The following POMGNT1 variants were observed in gnomAD, a reference collection of about 807,000 sequenced individuals.
POMGNT1 encodes protein O-linked mannose N-acetylglucosaminyltransferase 1 (beta 1,2-).
A neutral mutation model predicts 95.6 loss-of-function variants in POMGNT1; 67 were observed. That is an observed-to-expected ratio of 0.70 (90% CI 0.58 to 0.86). The LOEUF (loss-of-function observed/expected upper bound fraction) is 0.86, where lower values mean the gene tolerates loss of function less well. POMGNT1 is among the 40% of genes least tolerant of loss of function. POMGNT1 has a pLI of 0.00. For missense variants in POMGNT1, 719 were observed against 855.2 expected, an observed-to-expected ratio of 0.84 and a Z score of 1.99; for synonymous variants, 298 against 317.9, an observed-to-expected ratio of 0.94 and a Z score of 0.66.
chr1:46,197,152 G>GTCTTTC, intron 2 of POMGNT1, 68 bp from the exon 3 acceptor site: 1 of 1,611,690 alleles, frequency 6.2e-7, no homozygotes, highest in Non-Finnish European at 8.5e-7. Context: ...TTTCTGAAAG[G>GTCTTTC]AGGGCCCTGG....
chr1:46,203,565 G>A, intron 1 of POMGNT1: 2 of 1,574,076 alleles, frequency 1.3e-6, no homozygotes, highest in Non-Finnish European at 1.7e-6. Context: ...GCTGCTCCCA[G>A]GGGCGTCTAG....
At chr1:46,189,614 G>C in intron 20 of POMGNT1, 47 bp from the exon 21 acceptor site, 2 of 1,580,166 alleles carry the variant, frequency 1.3e-6, no homozygotes, top group Non-Finnish European at 1.7e-6. Flanking sequence ...GAGAGCTGTA[G>C]GGAGGGGTCA....
intron 1 of POMGNT1, among the ~76,000 whole-genome samples, chr1:46,205,500 C>G: frequency 6.6e-6 from 1 of 152,332 alleles, no homozygotes; most frequent in East Asian, 1.9e-4. Flanking sequence ...ATCATTTCTC[C>G]CATCTTACAG....
upstream of POMGNT1, among the ~76,000 whole-genome samples, chr1:46,201,951 G>A (rs1443198656): frequency 6.6e-6 from 1 of 150,846 alleles, no homozygotes; most frequent in Non-Finnish European, 1.5e-5. Flanking sequence ...GGCAATGTAG[G>A]AAGACCCTGT....
chr1:46,194,625 T>C lies in POMGNT1; in HGVS notation c.679A>G (p.Lys227Glu). 6.2e-7 allele frequency: 1 copy of C among 1,614,188 alleles called. No homozygotes were observed. The highest frequency in any genetic ancestry group is 8.5e-7 in the Non-Finnish European group (1 of 1,180,022). Residue 227 changes from lysine to glutamate, a missense_variant, in exon 8 of 22, where the codon AAA (lysine) becomes GAA (glutamate). This residue lies in a region of POMGNT1 where 466 missense variants were observed against 517.4 expected (regional missense o/e 0.90). Transcript: ENST00000371984. ...GGPVFGEKHS[K>E]SPALSSWGDP... is the part of the protein sequence containing the mutation. ...CCCCAGGAAGAGAGGGCAGGTGATT[T>C]AGAATGTTTCTCCCCGAAGACAGGA... is the stretch of plus-strand genomic sequence containing the variant.
In POMGNT1 at chr1:46,197,748, C is replaced by T. The variant is rs1475539242; in HGVS notation, c.74G>A (p.Trp25Ter). 1 of 1,614,144 alleles carries T rather than the reference C, an allele frequency of 6.2e-7. No individual in the cohort carries two copies. Among genetic ancestry groups the T allele is most frequent in the South Asian group, 1.1e-5 (1 of 91,078 alleles). Residue 25 changes from tryptophan (W) to a stop codon, truncating the protein, a stop_gained, in exon 2 of 22, where the codon TGG (tryptophan) becomes TAG (stop). Coordinates refer to ENST00000371984, the MANE Select transcript of POMGNT1 (RefSeq NM_017739.4). LOFTEE classifies it high-confidence loss of function. ...CCGCTGGTTTGTCAGTTTATACTTC[C>T]AGGTAAGGTACCAGCTCCGCTTCTT... ...ARKKRSWYLT[W>*]KYKLTNQRAL...
At chr1:46,211,444 C>T (rs1337065774) in intron 1 of POMGNT1, among the ~76,000 whole-genome samples, 2 of 133,880 alleles carry the variant, frequency 1.5e-5, no homozygotes, top group African/African-American at 6.2e-5. Flanking sequence ...AACCTGCACA[C>T]ACACACACAC....
chr1:46,198,360 C>CGGGCCCCGCTA lies in POMGNT1; in HGVS notation c.-86_-76dup, dbSNP rs927456551. ...CGGCTTAGGGGCCCCGGGCCCCGCTCGGGCCCCGCTAGGGCCCTCACTGCT... is the reference window on the plus strand; with the variant it reads ...CGGCTTAGGGGCCCCGGGCCCCGCTCGGGCCCCGCTAGGGCCCCGCTAGGGCCCTCACTGCT... On this transcript the variant is annotated 5_prime_UTR_variant, in exon 1 of 22. Coordinates refer to ENST00000371984, the MANE Select transcript of POMGNT1 (RefSeq NM_017739.4). 2.0e-5 allele frequency: 3 copies of CGGGCCCCGCTA among 152,942 alleles called. No homozygotes were observed. Among genetic ancestry groups the CGGGCCCCGCTA allele is most frequent in the African/African-American group, 7.2e-5 (3 of 41,408 alleles). 9.5% of individuals were successfully genotyped at this position (152,942 alleles called of 1,614,324 possible). A position where few individuals can be genotyped will look rare whatever the true frequency, so the allele number is the denominator to read the frequency against.
chr1:46,205,180 C>G (rs754405931), intron 1 of POMGNT1, among the ~76,000 whole-genome samples: 1 of 152,032 alleles, frequency 6.6e-6, no homozygotes, highest in Admixed American at 6.6e-5. Flanking sequence ...ATCACTTGAG[C>G]CCAGGAAGAG....
At chr1:46,194,703 G>A in intron 7 of POMGNT1, 52 bp from the exon 8 acceptor site, 1 of 1,614,226 alleles carries the variant, frequency 6.2e-7, no homozygotes, top group Non-Finnish European at 8.5e-7. Context: ...CAGTTTGGGG[G>A]CTTTTTCCCA....
intron 7 of POMGNT1, 76 bp from the exon 8 acceptor site, chr1:46,194,727 T>C: frequency 1.9e-6 from 3 of 1,614,090 alleles, no homozygotes; most frequent in Non-Finnish European, 2.5e-6. Flanking sequence ...CCCTGCCTAC[T>C]TTCATCCAAC....
rs1658360167 is a variant in POMGNT1, at chr1:46,197,743, A to AC, written c.78dup (p.Tyr27ValfsTer2). 6.2e-7 allele frequency: 1 copy of AC among 1,613,958 alleles called. No individual in the cohort carries two copies. The highest frequency in any genetic ancestry group is 1.3e-5 in the African/African-American group (1 of 74,888). Reference sequence around the variant, plus strand: ...AGGGCCCGCTGGTTTGTCAGTTTATACTTCCAGGTAAGGTACCAGCTCCGC... The same window carrying AC: ...AGGGCCCGCTGGTTTGTCAGTTTATACCTTCCAGGTAAGGTACCAGCTCCGC... On this transcript the variant is annotated frameshift_variant, in exon 2 of 22. Transcript: ENST00000371984. LOFTEE classifies it high-confidence loss of function.
Position 46,193,186 on chromosome 1 carries a change from G to A in POMGNT1, c.1140C>T (p.Phe380=). 1 of 1,614,226 alleles carries A rather than the reference G, an allele frequency of 6.2e-7. No individual in the cohort carries two copies. Among genetic ancestry groups the A allele is most frequent in the Non-Finnish European group, 8.5e-7 (1 of 1,180,034 alleles). ...CCTTAGTACTCACCGGAAACAGGTTGAAAGTGGCAGTGAGGCTGGCCTTGT... is the reference window on the plus strand; with the variant it reads ...CCTTAGTACTCACCGGAAACAGGTTAAAAGTGGCAGTGAGGCTGGCCTTGT... ...QHYKASLTAT[F]NLFPEAKFAV... is the part of the protein sequence containing the mutation. Residue 380 remains phenylalanine (F), a synonymous_variant, in exon 13 of 22, where the codon TTC becomes TTT. Transcript: ENST00000371984.
chr1:46,192,319 T>C lies in POMGNT1; in HGVS notation c.1402A>G (p.Thr468Ala), dbSNP rs1453813232. The C allele has an allele frequency of 1.2e-6, 2 of 1,614,156 alleles. No homozygotes were observed. Among genetic ancestry groups the C allele is most frequent in the Non-Finnish European group, 1.7e-6 (2 of 1,180,022 alleles). ...YKEELEPKWP[T>A]PEKLWDWDMW... ...ACCCTGACAGTTACCTTTTCCGGTGTAGGCCACTTGGGCTCAAGCTCCTCC... is the reference window on the plus strand; with the variant it reads ...ACCCTGACAGTTACCTTTTCCGGTGCAGGCCACTTGGGCTCAAGCTCCTCC... Residue 468 changes from threonine to alanine, a missense_variant, in exon 16 of 22, where the codon ACA becomes GCA. By Grantham distance (58) the Thr-to-Ala change is moderately conservative (BLOSUM62 0). Transcript: ENST00000371984.
chr1:46,193,980 C>G, intron 9 of POMGNT1, 55 bp from the exon 10 acceptor site: 2 of 1,605,492 alleles, frequency 1.2e-6, no homozygotes, highest in Non-Finnish European at 1.7e-6. Flanking sequence ...AACTGGGATC[C>G]CCACCTAGGG....
chr1:46,192,825 G>T, intron 14 of POMGNT1, 75 bp downstream of exon 14: 3 of 1,600,130 alleles, frequency 1.9e-6, no homozygotes, highest in Non-Finnish European at 2.6e-6. Flanking sequence ...CCTCCAGAAA[G>T]CTCTCTAGGA....
chr1:46,203,687 T>C, intron 1 of POMGNT1: 1 of 1,496,498 alleles, frequency 6.7e-7, no homozygotes, highest in Non-Finnish European at 9.0e-7. Flanking sequence ...AGGGACGAAC[T>C]CATGCTCCCA....
chr1:46,212,745 T>TTTTTA (rs923600018), intron 1 of POMGNT1, among the ~76,000 whole-genome samples: 33 of 151,826 alleles, frequency 2.2e-4, no homozygotes, highest in South Asian at 4.2e-4. Context: ...CTTGGCTAAT[T>TTTTTA]TTTTATTTTA....
At chr1:46,202,315 T>C (rs1658556503), upstream of POMGNT1, among the ~76,000 whole-genome samples, 2 of 152,140 alleles carry the variant, frequency 1.3e-5, no homozygotes, top group South Asian at 4.2e-4. Flanking sequence ...AACCATTTTC[T>C]GTAACCTTGT....
Sources: allele counts gnomAD v4.1 joint callset (sites outside exome capture counted in the v4.1 genomes callset), GRCh38; gene constraint gnomAD v4.1.1; regional missense constraint gnomAD v4.1.1; transcripts MANE v1.5; gene names NCBI Gene and HGNC (gene_info 2026-07-23, HGNC 2026-07-21).